Variants in TCP10L observed in about 807,000 individuals in gnomAD.
TCP10L encodes the protein t-complex 10 like, also known as T-complex protein 10A homolog 1.
TCP10L carries 11 observed loss-of-function variants against 19.2 expected under a neutral mutation model. That is an observed-to-expected ratio of 0.57 (90% CI 0.36 to 0.95). The LOEUF (loss-of-function observed/expected upper bound fraction) is 0.95. Among genes scored for constraint, TCP10L ranks in the 40% least tolerant of loss-of-function variants. The probability of loss-of-function intolerance (pLI) is 0.01; values close to 1 mark genes in which losing one functional copy is unlikely to be tolerated. For synonymous variants in TCP10L, 96 were observed against 97.2 expected (o/e 0.99, Z 0.07); for missense variants, 247 against 263.9 (o/e 0.94, Z 0.44).
At position 32,583,475 on chromosome 21, in the gene TCP10L, G is replaced by C. The variant is rs1327344997; in HGVS notation, c.144+686C>G. 2.0e-5 allele frequency among the ~76,000 whole-genome samples: 3 copies of C among 150,676 alleles called. No homozygotes were observed. The South Asian group carries it at 6.2e-4, about 31-fold the overall frequency. ...GTAGTGGCGGGCGCCTGTAGTCCCAGCTACGTGGGAGGCTGAGGCAGGAGA... is the reference window on the plus strand; with the variant it reads ...GTAGTGGCGGGCGCCTGTAGTCCCACCTACGTGGGAGGCTGAGGCAGGAGA... On this transcript the variant is annotated intron_variant, in intron 2 of 4. Transcript: ENST00000300258.
chr21:32,581,976 C>T (rs983981200), intron 3 of TCP10L, among the ~76,000 whole-genome samples: 9 of 152,066 alleles, frequency 5.9e-5, no homozygotes, highest in South Asian at 2.1e-4. Flanking sequence ...GGCCTGGGGG[C>T]GGCAATGCTT....
Position 32,576,245 on chromosome 21 carries a change from G to A in TCP10L, c.*529C>T. 1.3e-6 allele frequency: 2 copies of A among 1,561,246 alleles called. No individual in the cohort carries two copies. The highest frequency in any genetic ancestry group is 8.8e-7 in the Non-Finnish European group (1 of 1,141,914). ...CCGGCTGCTGCCATCTGCTCCTGCAGCATGGCGGCCTGGGAAGCCTGCACT... is the reference window on the plus strand; with the variant it reads ...CCGGCTGCTGCCATCTGCTCCTGCAACATGGCGGCCTGGGAAGCCTGCACT... On this transcript the variant is annotated 3_prime_UTR_variant, in exon 5 of 5. Transcript: ENST00000300258.
rs529252981 is a variant in TCP10L, at chr21:32,578,589, G to A, written c.498+105C>T. ...AACACAGGACTCCAGGGAGCACCAT[G>A]CTCACCCAGGGAGGTGAAATTGTGT... On this transcript the variant is annotated intron_variant, in intron 4 of 4. Coordinates refer to ENST00000300258, the MANE Select transcript of TCP10L (RefSeq NM_144659.7). The surrounding 1 kb of genome is among the most constrained non-coding windows in gnomAD (Gnocchi z 4.2). 4.0e-6 allele frequency: 6 copies of A among 1,483,306 alleles called. No individual in the cohort carries two copies. In the Admixed American group the frequency reaches 1.1e-4, roughly 26 times the overall value. 91.9% of individuals were successfully genotyped at this position (1,483,306 alleles called of 1,614,324 possible).
rs373620410 is a variant in TCP10L, at chr21:32,578,722, G to A, written c.470C>T (p.Ser157Leu). 35 of 1,614,030 alleles carry A rather than the reference G, an allele frequency of 2.2e-5. No homozygotes were observed. Among genetic ancestry groups the A allele is most frequent in the Middle Eastern group, 1.6e-4 (1 of 6,084 alleles). The change falls in exon 4 of 5, where the codon TCG becomes TTG. Residue 157 changes from serine (S) to leucine (L), a missense_variant. Ser to Leu is a moderately radical substitution (Grantham distance 145). Coordinates refer to ENST00000300258, the MANE Select transcript of TCP10L (RefSeq NM_144659.7). This position sits in a 1 kb window ranked among gnomAD's most constrained non-coding sequence, Gnocchi z 4.2. ...TGGAGGAGCTGAATTGTTAGATGAC[G>A]ATCTTTGTCCCAGGAGAGTGGCACT... ...NQSATLLGQR[S>L]SSNNSAPPKP... is the part of the protein sequence containing the mutation.
At position 32,576,897 on chromosome 21, in the gene TCP10L, A is replaced by G. The variant is rs2038442088; in HGVS notation, c.525T>C (p.Ile175=). Residue 175 remains isoleucine, a synonymous_variant, in exon 5 of 5, where the codon ATT becomes ATC. Transcript: ENST00000300258. Reference sequence around the variant, plus strand: ...CCTGTGGTGGTGTTTTCCACGAGCTAATTCTTTCTATCTTTAAACTCATTG... The same window carrying G: ...CCTGTGGTGGTGTTTTCCACGAGCTGATTCTTTCTATCTTTAAACTCATTG... ...PKPMSLKIER[I]SSWKTPPQEN... 1 of 1,613,890 alleles carries G rather than the reference A, an allele frequency of 6.2e-7. No individual in the cohort carries two copies. Among genetic ancestry groups the G allele is most frequent in the Non-Finnish European group, 8.5e-7 (1 of 1,179,958 alleles).
At position 32,582,048 on chromosome 21, in the gene TCP10L, C is replaced by A; in HGVS notation, c.360+152G>T. The A allele has an allele frequency of 1.2e-6, 1 of 831,206 alleles. No homozygotes were observed. The highest frequency in any genetic ancestry group is 1.9e-6 in the Non-Finnish European group (1 of 524,286). 51.5% of individuals were successfully genotyped at this position (831,206 alleles called of 1,614,324 possible). A position where few individuals can be genotyped will look rare whatever the true frequency, so the allele number is the denominator to read the frequency against. ...TCCAGTTCTTATTAATCATTACTTA[C>A]GGGAAATGGAGTTGATGGAAAGATA... On this transcript the variant is annotated intron_variant, in intron 3 of 4. Coordinates refer to ENST00000300258, the MANE Select transcript of TCP10L (RefSeq NM_144659.7). This position sits in a 1 kb window ranked among gnomAD's most constrained non-coding sequence, Gnocchi z 4.2.
intron 3 of TCP10L, among the ~76,000 whole-genome samples, chr21:32,579,269 C>CA (rs1159387065): frequency 6.6e-6 from 1 of 152,192 alleles, no homozygotes; most frequent in African/African-American, 2.4e-5. Flanking sequence ...TGACCTGGAA[C>CA]AGGGTGATCC....
chr21:32,578,446 T>C lies in TCP10L; in HGVS notation c.498+248A>G, dbSNP rs1382167215. Among the ~76,000 whole-genome samples, 2 of 152,236 alleles carry C rather than the reference T, an allele frequency of 1.3e-5. No individual in the cohort carries two copies. ...AGTCCCCTCGGCCCCAGCCAGACGC[T>C]TGCTGCTGTGAGTGTACTCAGAGGG... is the stretch of plus-strand genomic sequence containing the variant. On this transcript the variant is annotated intron_variant, in intron 4 of 4. Transcript: ENST00000300258. The surrounding 1 kb of genome is among the most constrained non-coding windows in gnomAD (Gnocchi z 4.2).
intron 2 of TCP10L, among the ~76,000 whole-genome samples, chr21:32,583,478 A>G (rs577272693): frequency 6.6e-6 from 1 of 150,498 alleles, no homozygotes; most frequent in East Asian, 2.0e-4. Flanking sequence ...AGTCCCAGCT[A>G]CGTGGGAGGC....
chr21:32,582,431 G>T lies in TCP10L; in HGVS notation c.145-16C>A, dbSNP rs1195018602. 6.2e-7 allele frequency: 1 copy of T among 1,602,114 alleles called. No individual in the cohort carries two copies. The highest frequency in any genetic ancestry group is 8.5e-7 in the Non-Finnish European group (1 of 1,176,182). On this transcript the variant is annotated splice_polypyrimidine_tract_variant and intron_variant, in intron 2 of 4. Transcript: ENST00000300258. The surrounding 1 kb of genome is among the most constrained non-coding windows in gnomAD (Gnocchi z 4.2). Reference sequence around the variant, plus strand: ...GCTGTAATGGCTGTTATTGGGAAGAGAACACCAGAAAAACCTCTCAGATGT... The same window carrying T: ...GCTGTAATGGCTGTTATTGGGAAGATAACACCAGAAAAACCTCTCAGATGT...
At chr21:32,577,591 C>CA (rs2038449533) in intron 4 of TCP10L, 1 of 152,232 alleles carries the variant, frequency 6.6e-6, no homozygotes, top group Non-Finnish European at 1.5e-5. Flanking sequence ...GCTGTGGACT[C>CA]ACGAGATTTG....
rs547582681 is a variant in TCP10L at position 32,578,480 on chromosome 21, G to A, written c.498+214C>T. Reference sequence around the variant, plus strand: ...TGAGTGTACTCAGAGGGAAGCAGCCGGGAGGACTTGGAATCTGCTCCACAG... The same window carrying A: ...TGAGTGTACTCAGAGGGAAGCAGCCAGGAGGACTTGGAATCTGCTCCACAG... On this transcript the variant is annotated intron_variant, in intron 4 of 4. Coordinates refer to ENST00000300258, the MANE Select transcript of TCP10L (RefSeq NM_144659.7). The surrounding 1 kb of genome is among the most constrained non-coding windows in gnomAD (Gnocchi z 4.2). Among the ~76,000 whole-genome samples, 7 of 152,338 alleles carry A rather than the reference G, an allele frequency of 4.6e-5. No homozygotes were observed. The highest frequency in any genetic ancestry group is 1.3e-4 in the Admixed American group (2 of 15,304).
Position 32,582,465 on chromosome 21 carries a change from G to A in TCP10L, c.145-50C>T. ...AAAAACCTCTCAGATGTCACAATGGGCACATTTATCTGCAAAATACTCAAG... is the reference window on the plus strand; with the variant it reads ...AAAAACCTCTCAGATGTCACAATGGACACATTTATCTGCAAAATACTCAAG... On this transcript the variant is annotated intron_variant, in intron 2 of 4. Transcript: ENST00000300258. This position sits in a 1 kb window ranked among gnomAD's most constrained non-coding sequence, Gnocchi z 4.2. 6.4e-7 allele frequency: 1 copy of A among 1,557,250 alleles called. No individual in the cohort carries two copies. The highest frequency in any genetic ancestry group is 1.8e-4 in the Middle Eastern group (1 of 5,416).
Position 32,576,409 on chromosome 21 carries a change from G to T in TCP10L, c.*365C>A. ...TGAGCCCAAAGGCTGGGAGCACAAA[G>T]CCATCTTCAGCCATCCTCGATTTCC... On this transcript the variant is annotated 3_prime_UTR_variant, in exon 5 of 5. Transcript: ENST00000300258. 1.2e-6 allele frequency: 1 copy of T among 868,002 alleles called. No individual in the cohort carries two copies. The highest frequency in any genetic ancestry group is 1.7e-6 in the Non-Finnish European group (1 of 573,488). The allele number at this position is 868,002 out of a possible 1,614,324, so 53.8% of individuals were successfully genotyped here.
In TCP10L at chr21:32,582,962, T is replaced by C. The variant is rs1216344603; in HGVS notation, c.145-547A>G. Among the ~76,000 whole-genome samples the C allele has an allele frequency of 6.6e-6, 1 of 151,818 alleles. No homozygotes were observed. Among genetic ancestry groups the C allele is most frequent in the Admixed American group, 6.6e-5 (1 of 15,234 alleles). Reference sequence around the variant, plus strand: ...CATAATATAACCAGATAAAGATGGTTAGTGAATTATGATTTTTTTGTTAAA... The same window carrying C: ...CATAATATAACCAGATAAAGATGGTCAGTGAATTATGATTTTTTTGTTAAA... On this transcript the variant is annotated intron_variant, in intron 2 of 4. Transcript: ENST00000300258. The surrounding 1 kb of genome is among the most constrained non-coding windows in gnomAD (Gnocchi z 4.2).
chr21:32,581,249 A>G (rs2038491207), intron 3 of TCP10L, among the ~76,000 whole-genome samples: 2 of 152,048 alleles, frequency 1.3e-5, no homozygotes, highest in African/African-American at 4.8e-5. Context: ...GGGCAGCCCA[A>G]CTCCCAAGGG....
Position 32,584,258 on chromosome 21 carries a change from T to G in TCP10L, c.47A>C (p.His16Pro), listed in dbSNP as rs1601128923. The G allele has an allele frequency of 6.2e-7, 1 of 1,614,100 alleles. No individual in the cohort carries two copies. The highest frequency in any genetic ancestry group is 1.1e-5 in the South Asian group (1 of 91,068). ...LEARDPKEGT[H>P]PEDPCPGAGA... is the part of the protein sequence containing the mutation. Reference sequence around the variant, plus strand: ...AGCTCCTGGGCACGGGTCCTCTGGGTGGGTGCCCTCTTTGGGGTCCCTGGC... The same window carrying G: ...AGCTCCTGGGCACGGGTCCTCTGGGGGGGTGCCCTCTTTGGGGTCCCTGGC... The change falls in exon 2 of 5, where the codon CAC becomes CCC. Residue 16 changes from histidine to proline, a missense_variant. His to Pro is a moderately conservative substitution (Grantham distance 77, BLOSUM62 -2). Coordinates refer to ENST00000300258, the MANE Select transcript of TCP10L (RefSeq NM_144659.7).
intron 2 of TCP10L, 69 bp downstream of exon 2, chr21:32,584,092 G>C: frequency 6.5e-7 from 1 of 1,532,834 alleles, no homozygotes; most frequent in Non-Finnish European, 8.8e-7. Flanking sequence ...GTCCAATGAC[G>C]GGCCTCAGGG....
intron 3 of TCP10L, among the ~76,000 whole-genome samples, chr21:32,581,190 G>A (rs767517050): frequency 4.6e-5 from 7 of 152,204 alleles, no homozygotes; most frequent in Non-Finnish European, 8.8e-5. Context: ...ATCGACTGGC[G>A]GAATGACACG....
Sources: allele counts gnomAD v4.1 joint callset (sites outside exome capture counted in the v4.1 genomes callset), GRCh38; gene constraint gnomAD v4.1.1; non-coding constraint Gnocchi (gnomAD v3.1); transcripts MANE v1.5; gene names NCBI Gene and HGNC (gene_info 2026-07-23, HGNC 2026-07-21).